The following UHRF1 variants were observed in gnomAD, a reference collection of about 807,000 sequenced individuals.
UHRF1 encodes ubiquitin like with PHD and ring finger domains 1, also known as E3 ubiquitin-protein ligase UHRF1.
UHRF1 carries 9 observed loss-of-function variants against 96.5 expected under a neutral mutation model. The observed-to-expected ratio is 0.09, with a 90% CI of 0.06 to 0.16. The LOEUF is 0.16. Ranked by LOEUF, UHRF1 falls within the 10% of genes least tolerant of loss-of-function variation. The probability of loss-of-function intolerance (pLI) is 1.00; values close to 1 mark genes in which losing one functional copy is unlikely to be tolerated. For synonymous variants in UHRF1, 455 were observed against 469.9 expected (o/e 0.97, Z 0.41); for missense variants, 626 against 1,131.1 (o/e 0.55, Z 6.40).
At chr19:4,904,843 C>T (rs2032032745), upstream of UHRF1, among the ~76,000 whole-genome samples, 1 of 152,194 alleles carries the variant, frequency 6.6e-6, no homozygotes, top group Non-Finnish European at 1.5e-5. Context: ...CCTTTGCACT[C>T]TAACAATTAT....
chr19:4,908,882 C>T (rs1018161489), upstream of UHRF1, among the ~76,000 whole-genome samples: 3 of 152,186 alleles, frequency 2.0e-5, no homozygotes, highest in Non-Finnish European at 2.9e-5. Flanking sequence ...ACTCCTGTGC[C>T]CGCCAGGACT....
At position 4,956,823 on chromosome 19, in the gene UHRF1, G is replaced by C; in HGVS notation, c.2235+10G>C. 6.3e-7 allele frequency: 1 copy of C among 1,591,442 alleles called. No individual in the cohort carries two copies. The highest frequency in any genetic ancestry group is 8.6e-7 in the Non-Finnish European group (1 of 1,166,806). ...GCACAACGTGTGCAAGGTGAGTAGA[G>C]ATGGCCGCGGGAGCCGGGTGGAAGG... On this transcript the variant is annotated intron_variant, in intron 16 of 16. Coordinates refer to ENST00000650932, the MANE Select transcript of UHRF1 (RefSeq NM_001048201.3).
At chr19:4,951,029 G>A (rs2033703407) in intron 13 of UHRF1, 33 bp downstream of exon 13, 1 of 1,558,198 alleles carries the variant, frequency 6.4e-7, no homozygotes, top group African/African-American at 1.4e-5. Context: ...CACTTTGGGA[G>A]GCCAAGGCGG....
intron 10 of UHRF1, among the ~76,000 whole-genome samples, chr19:4,946,357 C>A (rs1470841121): frequency 6.6e-6 from 1 of 152,112 alleles, no homozygotes; most frequent in African/African-American, 2.4e-5. Context: ...GTCCGGATTC[C>A]CCTTTTGTTC....
Position 4,910,882 on chromosome 19 carries a change from C to T in UHRF1, c.-4C>T. 2 of 1,607,816 alleles carry T rather than the reference C, an allele frequency of 1.2e-6. No homozygotes were observed. Among genetic ancestry groups the T allele is most frequent in the African/African-American group, 1.3e-5 (1 of 74,794 alleles). On this transcript the variant is annotated 5_prime_UTR_variant, in exon 2 of 17. Transcript: ENST00000650932. ...TTGCTGTCCCTCCCCTCAGCGCCGACACCATGTGGATCCAGGTTCGGACCA... is the reference window on the plus strand; with the variant it reads ...TTGCTGTCCCTCCCCTCAGCGCCGATACCATGTGGATCCAGGTTCGGACCA...
chr19:4,922,301 T>C (rs2032726482), intron 2 of UHRF1, among the ~76,000 whole-genome samples: 2 of 152,142 alleles, frequency 1.3e-5, no homozygotes, highest in African/African-American at 4.8e-5. Flanking sequence ...AGTCTTGCTC[T>C]GTTGCCCGGA....
At chr19:4,959,694 C>G (rs17879185) in intron 16 of UHRF1, among the ~76,000 whole-genome samples, 3 of 151,978 alleles carry the variant, frequency 2.0e-5, no homozygotes, top group African/African-American at 7.3e-5. Context: ...TTCTCATTGA[C>G]GTGTATGTTT....
At chr19:4,915,314 G>A (rs1486500869) in intron 2 of UHRF1, among the ~76,000 whole-genome samples, 9 of 152,210 alleles carry the variant, frequency 5.9e-5, no homozygotes, top group South Asian at 2.1e-4. Context: ...GGTAGAGGGC[G>A]CGGCCTCTGT....
At chr19:4,928,777 C>T (rs930743330) in intron 2 of UHRF1, among the ~76,000 whole-genome samples, 7 of 152,198 alleles carry the variant, frequency 4.6e-5, no homozygotes, top group African/African-American at 9.6e-5. Flanking sequence ...AGGAGCTTCT[C>T]CCAGTGGCGA....
chr19:4,909,220 C>T (rs762725865), upstream of UHRF1: 47 of 494,358 alleles, frequency 9.5e-5, no homozygotes, highest in Non-Finnish European at 1.6e-4. Context: ...GGTCTGTACC[C>T]TGGGGGTCCC....
chr19:4,909,328 C>A, upstream of UHRF1: 1 of 578,198 alleles, frequency 1.7e-6, no homozygotes, highest in Non-Finnish European at 3.0e-6. Context: ...CAGGGCTGGG[C>A]GGAGCCGTGG....
chr19:4,932,871 G>A lies in UHRF1; in HGVS notation c.700G>A (p.Glu234Lys). 6.2e-7 allele frequency: 1 copy of A among 1,613,854 alleles called. No homozygotes were observed. Among genetic ancestry groups the A allele is most frequent in the Non-Finnish European group, 8.5e-7 (1 of 1,179,888 alleles). Residue 234 changes from glutamate (E) to lysine (K), a missense_variant, in exon 5 of 17, where the codon GAG becomes AAG. By Grantham distance (56) the Glu-to-Lys change is moderately conservative. Around this residue, in one of 11 missense-constraint regions of UHRF1, gnomAD observed 198 missense variants for 235.1 expected, o/e 0.84. Transcript: ENST00000650932. ...MLNYNPDNPK[E>K]RGFWYDAEIS... Reference sequence around the variant, plus strand: ...CAACTACAACCCCGACAACCCCAAGGAGCGGGGCTTCTGGTACGACGCGGA... The same window carrying A: ...CAACTACAACCCCGACAACCCCAAGAAGCGGGGCTTCTGGTACGACGCGGA...
chr19:4,939,514 C>T (rs954241912), intron 5 of UHRF1, among the ~76,000 whole-genome samples: 2 of 151,972 alleles, frequency 1.3e-5, no homozygotes, highest in African/African-American at 2.4e-5. Flanking sequence ...TTTTCCTTAA[C>T]ACTTAATTTG....
At chr19:4,939,534 C>A (rs1242195919) in intron 5 of UHRF1, among the ~76,000 whole-genome samples, 2 of 152,034 alleles carry the variant, frequency 1.3e-5, no homozygotes, top group East Asian at 1.9e-4. Flanking sequence ...GTTGAGGAAT[C>A]CTGGTCATTT....
chr19:4,944,542 A>G, intron 9 of UHRF1, 92 bp downstream of exon 9: 1 of 1,446,336 alleles, frequency 6.9e-7, no homozygotes, highest in African/African-American at 1.4e-5. Context: ...GCCAGGGGTC[A>G]GGGTGGTTAC....
intron 2 of UHRF1, among the ~76,000 whole-genome samples, chr19:4,915,891 TGTGTTGGA>T (rs2032479380): frequency 6.6e-6 from 1 of 152,164 alleles, no homozygotes; most frequent in Non-Finnish European, 1.5e-5. Flanking sequence ...TTACGTGCGC[TGTGTTGGA>T]GTCTTTCCAG....
intron 15 of UHRF1, among the ~76,000 whole-genome samples, chr19:4,955,322 G>A (rs1164724178): frequency 6.6e-6 from 1 of 152,092 alleles, no homozygotes. Flanking sequence ...AGGTCTAGAG[G>A]CACTGTATCC....
Position 4,950,689 on chromosome 19 carries a change from G to A in UHRF1, c.1596G>A (p.Pro532=), listed in dbSNP as rs1271241443. 8.7e-6 allele frequency: 14 copies of A among 1,608,748 alleles called. No homozygotes were observed. Among genetic ancestry groups the A allele is most frequent in the East Asian group, 2.2e-5 (1 of 44,890 alleles). The part of the protein sequence containing the change: ...AEAKDWRSGK[P]VRVVRNVKGG... ...CCAAGGACTGGCGGTCGGGGAAGCC[G>A]GTCAGGGTGGTGCGCAATGTCAAGG... Residue 532 remains proline, a synonymous_variant, in exon 12 of 17, where the codon CCG becomes CCA. Transcript: ENST00000650932.
upstream of UHRF1, among the ~76,000 whole-genome samples, chr19:4,906,998 C>T (rs1297452267): frequency 6.6e-6 from 1 of 152,166 alleles, no homozygotes; most frequent in Non-Finnish European, 1.5e-5. Flanking sequence ...TAGCGTTGAT[C>T]GTGTACTGAG....
Sources: gnomAD v4.1 joint callset for allele counts (sites outside exome capture counted in the v4.1 genomes callset) on GRCh38, gnomAD v4.1.1 for gene constraint, gnomAD v4.1.1 regional missense constraint, MANE v1.5 for transcripts, NCBI Gene and HGNC (gene_info 2026-07-23, HGNC 2026-07-21) for gene names.